The following KIF2C variants were observed in gnomAD, a reference collection of about 807,000 sequenced individuals.
The protein encoded by KIF2C is kinesin-like protein KIF2C.
In KIF2C, 34 loss-of-function variants were observed where a neutral mutation model predicts 97.4. The observed-to-expected ratio is 0.35, with a 90% confidence interval of 0.27 to 0.46. The LOEUF (loss-of-function observed/expected upper bound fraction) is 0.46, where lower values mean the gene tolerates loss of function less well. Among genes scored for constraint, KIF2C ranks in the 20% least tolerant of loss-of-function variants. The probability of loss-of-function intolerance (pLI) is 1.00; values close to 1 mark genes in which losing one functional copy is unlikely to be tolerated. For missense variants in KIF2C, 750 were observed against 907.6 expected (o/e 0.83, Z 2.23); for synonymous variants, 313 against 318.2 (o/e 0.98, Z 0.17).
chr1:44,760,667 G>A lies in KIF2C; in HGVS notation c.1648G>A (p.Asp550Asn), dbSNP rs761787795. The change falls in exon 16 of 21, where the codon GAC (aspartate) becomes AAC (asparagine). Residue 550 changes from aspartate to asparagine, a missense_variant. Coordinates refer to ENST00000372224, the MANE Select transcript of KIF2C (RefSeq NM_006845.4). This position sits in a 1 kb window ranked among gnomAD's most constrained non-coding sequence, Gnocchi z 4.2. ...GAGCAAGCTGACACAGGTGCTGAGG[G>A]ACTCCTTCATTGGGGAGAACTCTAG... ...RESKLTQVLRDSFIGENSRTC... is the reference protein window; with the variant it reads ...RESKLTQVLRNSFIGENSRTC... 6.2e-7 allele frequency: 1 copy of A among 1,614,180 alleles called. No individual in the cohort carries two copies. Among genetic ancestry groups the A allele is most frequent in the Non-Finnish European group, 8.5e-7 (1 of 1,180,026 alleles).
rs151202038 is a variant in KIF2C, at chr1:44,762,564, A to T, written c.1877A>T (p.Glu626Val). The T allele has an allele frequency of 5.1e-4, 820 of 1,613,920 alleles. 1 individual carries two copies. Among genetic ancestry groups the T allele is most frequent in the Non-Finnish European group, 6.4e-4 (754 of 1,179,816 alleles). Residue 626 changes from glutamate (E) to valine (V), a missense_variant, in exon 19 of 21, where the codon GAA becomes GTA. Glu to Val is a moderately radical substitution (Grantham distance 121). Transcript: ENST00000372224. ...IPGNLSKEEEELSSQMSSFNE... is the reference protein window; with the variant it reads ...IPGNLSKEEEVLSSQMSSFNE... ...TCTCAGTTATCCAAGGAAGAGGAGG[A>T]ACTGTCTTCCCAGATGTCCAGCTTT... is the stretch of plus-strand genomic sequence containing the variant.
At chr1:44,758,210 G>C in intron 13 of KIF2C, 70 bp downstream of exon 13, 2 of 1,422,986 alleles carry the variant, frequency 1.4e-6, no homozygotes, top group African/African-American at 1.5e-5. Flanking sequence ...AAGCTGGCTA[G>C]AAGTTGAGGC....
At position 44,760,400 on chromosome 1, in the gene KIF2C, T is replaced by C. The variant is rs762319591; in HGVS notation, c.1488T>C (p.Asn496=). The change falls in exon 15 of 21, where the codon AAT becomes AAC. Residue 496 remains asparagine, a synonymous_variant. Coordinates refer to ENST00000372224, the MANE Select transcript of KIF2C (RefSeq NM_006845.4). This position sits in a 1 kb window ranked among gnomAD's most constrained non-coding sequence, Gnocchi z 4.2. ...GKFSLVDLAG[N]ERGADTSSAD... is the part of the protein sequence containing the mutation. ...TCTCTTTGGTAGATCTGGCAGGGAA[T>C]GAGCGAGGCGCGGACACTTCCAGTG... is the stretch of plus-strand genomic sequence containing the variant. The C allele has an allele frequency of 1.2e-6, 2 of 1,614,232 alleles. No homozygotes were observed. The highest frequency in any genetic ancestry group is 1.7e-6 in the Non-Finnish European group (2 of 1,180,038).
chr1:44,743,901 C>T (rs1250725750), intron 2 of KIF2C, among the ~76,000 whole-genome samples: 1 of 152,196 alleles, frequency 6.6e-6, no homozygotes, highest in Non-Finnish European at 1.5e-5. Flanking sequence ...CCATTATCTG[C>T]CCCTAAAGAA....
In KIF2C at chr1:44,767,410, A is replaced by G. The variant is rs1440239701; in HGVS notation, c.*231A>G. 2.2e-6 allele frequency: 1 copy of G among 458,676 alleles called. No individual in the cohort carries two copies. Among genetic ancestry groups the G allele is most frequent in the Non-Finnish European group, 4.0e-6 (1 of 247,754 alleles). The allele number at this position is 458,676 out of a possible 1,614,324, so 28.4% of individuals were successfully genotyped here. A position where few individuals can be genotyped will look rare whatever the true frequency, so the allele number is the denominator to read the frequency against. ...GCCCTCACGAGAGGAAGGAGCTCTT[A>G]GTTACCCTTTTGTGTTGCCCTTCTT... On this transcript the variant is annotated 3_prime_UTR_variant, in exon 21 of 21. Transcript: ENST00000372224.
intron 13 of KIF2C, among the ~76,000 whole-genome samples, chr1:44,758,682 C>T (rs1450675241): frequency 6.6e-6 from 1 of 152,114 alleles, no homozygotes; most frequent in Non-Finnish European, 1.5e-5. Flanking sequence ...TGAGACCAGC[C>T]TGGCTAACAT....
intron 2 of KIF2C, among the ~76,000 whole-genome samples, chr1:44,741,341 C>G (rs1479648797): frequency 6.7e-6 from 1 of 150,212 alleles, no homozygotes; most frequent in Non-Finnish European, 1.5e-5. Flanking sequence ...GAAACTGTGC[C>G]GCTGCACTCC....
At chr1:44,744,295 A>C (rs1003813526) in intron 2 of KIF2C, among the ~76,000 whole-genome samples, 7 of 152,082 alleles carry the variant, frequency 4.6e-5, no homozygotes, top group Non-Finnish European at 7.4e-5. Flanking sequence ...TTTAGTAGAG[A>C]CAGGGTTTCC....
At chr1:44,742,397 C>A (rs1648980053) in intron 2 of KIF2C, among the ~76,000 whole-genome samples, 1 of 151,788 alleles carries the variant, frequency 6.6e-6, no homozygotes, top group Admixed American at 6.6e-5. Context: ...GCGTGAGCCA[C>A]CATGCCCGGC....
intron 8 of KIF2C, among the ~76,000 whole-genome samples, chr1:44,755,150 G>T (rs1000300933): frequency 1.2e-4 from 18 of 152,180 alleles, no homozygotes; most frequent in African/African-American, 3.6e-4. Flanking sequence ...TAGAGACAGG[G>T]TTTCACCATG....
At chr1:44,750,420 G>A in intron 4 of KIF2C, 22 bp from the exon 5 acceptor site, 1 of 1,421,708 alleles carries the variant, frequency 7.0e-7, no homozygotes, top group Admixed American at 2.4e-5. Context: ...GCACTGACTG[G>A]CTACTGCTCT....
Position 44,754,737 on chromosome 1 carries a change from C to A in KIF2C, c.664-13C>A. Reference sequence around the variant, plus strand: ...TTAACAGTCTGCCCTTTTTCACTCTCGTCTCAAACCAGGAGTATGACAGTA... The same window carrying A: ...TTAACAGTCTGCCCTTTTTCACTCTAGTCTCAAACCAGGAGTATGACAGTA... On this transcript the variant is annotated splice_polypyrimidine_tract_variant and intron_variant, in intron 7 of 20. Transcript: ENST00000372224. 2 of 1,539,416 alleles carry A rather than the reference C, an allele frequency of 1.3e-6. No homozygotes were observed. The highest frequency in any genetic ancestry group is 1.8e-6 in the Non-Finnish European group (2 of 1,112,088).
chr1:44,761,619 A>AG (rs1186987965), intron 16 of KIF2C, among the ~76,000 whole-genome samples: 1 of 149,764 alleles, frequency 6.7e-6, no homozygotes, highest in Non-Finnish European at 1.5e-5. Context: ...AAAAAAAAAA[A>AG]GAAAAAAGAA....
At chr1:44,742,099 T>G (rs561688250) in intron 2 of KIF2C, among the ~76,000 whole-genome samples, 20 of 151,072 alleles carry the variant, frequency 1.3e-4, no homozygotes, top group Admixed American at 2.6e-4. Context: ...ATTTTCTGGG[T>G]TTTTTTTGTT....
chr1:44,740,151 C>T, intron 1 of KIF2C, 149 bp downstream of exon 1: 1 of 936,100 alleles, frequency 1.1e-6, no homozygotes, highest in Non-Finnish European at 1.7e-6. Context: ...TCTGCACTGG[C>T]AGTCATTCTT....
chr1:44,767,346 G>C lies in KIF2C; in HGVS notation c.*167G>C. 1.7e-6 allele frequency: 1 copy of C among 591,760 alleles called. No individual in the cohort carries two copies. Among genetic ancestry groups the C allele is most frequent in the South Asian group, 1.9e-5 (1 of 52,004 alleles). The allele number at this position is 591,760 out of a possible 1,614,324, so 36.7% of individuals were successfully genotyped here. A position where few individuals can be genotyped will look rare whatever the true frequency, so the allele number is the denominator to read the frequency against. Reference sequence around the variant, plus strand: ...CCCAGGGCAGCTGGGGAGGGGGTCAGAGTGACATGGGACACTCCTTTTCTG... The same window carrying C: ...CCCAGGGCAGCTGGGGAGGGGGTCACAGTGACATGGGACACTCCTTTTCTG... On this transcript the variant is annotated 3_prime_UTR_variant, in exon 21 of 21. Transcript: ENST00000372224.
rs749590959 is a variant in KIF2C, at chr1:44,759,182, C to A, written c.1225-24C>A. On this transcript the variant is annotated intron_variant, in intron 13 of 20. Coordinates refer to ENST00000372224, the MANE Select transcript of KIF2C (RefSeq NM_006845.4). ...GGTGCCGGGTGCCCAGTGGCCTTAG[C>A]CTCATTCCCCCTGCCTGGCACAGCT... 3 of 1,613,420 alleles carry A rather than the reference C, an allele frequency of 1.9e-6. No homozygotes were observed. In the South Asian group the frequency reaches 3.3e-5, roughly 18 times the overall value.
chr1:44,757,982 T>G lies in KIF2C; in HGVS notation c.1132+11T>G, dbSNP rs1205782165. 6.2e-7 allele frequency: 1 copy of G among 1,614,146 alleles called. No individual in the cohort carries two copies. Among genetic ancestry groups the G allele is most frequent in the East Asian group, 2.2e-5 (1 of 44,890 alleles). On this transcript the variant is annotated intron_variant, in intron 12 of 20. Coordinates refer to ENST00000372224, the MANE Select transcript of KIF2C (RefSeq NM_006845.4). The stretch of plus-strand genomic sequence containing the variant: ...TCTATGCCATGGCCTGTAAGTACTG[T>G]GTACTGCTGCTTCAGGGTTGGGCAC...
chr1:44,764,988 C>T (rs1306220462), intron 19 of KIF2C, among the ~76,000 whole-genome samples: 1 of 152,016 alleles, frequency 6.6e-6, no homozygotes, highest in Non-Finnish European at 1.5e-5. Flanking sequence ...GGCATGGTGG[C>T]AGGCATCTGT....
Sources: allele counts gnomAD v4.1 joint callset (sites outside exome capture counted in the v4.1 genomes callset), GRCh38; gene constraint gnomAD v4.1.1; non-coding constraint Gnocchi (gnomAD v3.1); transcripts MANE v1.5; gene names NCBI Gene and HGNC (gene_info 2026-07-23, HGNC 2026-07-21).